The following ERCC1 variants were observed in gnomAD, a reference collection of about 807,000 sequenced individuals.
ERCC1 encodes the protein ERCC excision repair 1, endonuclease non-catalytic subunit.
ERCC1 carries 36 observed loss-of-function variants against 37.6 expected under a neutral mutation model. That is an observed-to-expected ratio of 0.96 (90% CI 0.73 to 1.26). The LOEUF is 1.26. Ranked by LOEUF, ERCC1 falls within the 50% of genes most tolerant of loss-of-function variation. The pLI, the probability that ERCC1 is intolerant of heterozygous loss-of-function variation, is 0.00. For missense variants in ERCC1, 349 were observed against 376.5 expected, an observed-to-expected ratio of 0.93 and a Z score of 0.60; for synonymous variants, 156 against 162.1, an observed-to-expected ratio of 0.96 and a Z score of 0.28.
At chr19:45,425,558 C>A (rs1473179678), upstream of ERCC1, among the ~76,000 whole-genome samples, 1 of 151,810 alleles carries the variant, frequency 6.6e-6, no homozygotes, top group Non-Finnish European at 1.5e-5. Context: ...TTAGTAGAGA[C>A]GGAGTTTCAC....
At chr19:45,410,926 C>T (rs374643850) in intron 9 of ERCC1, among the ~76,000 whole-genome samples, 6 of 152,134 alleles carry the variant, frequency 3.9e-5, no homozygotes, top group South Asian at 2.1e-4. Flanking sequence ...CGGATTCAAG[C>T]GATTCTCCTG....
intron 6 of ERCC1, among the ~76,000 whole-genome samples, chr19:45,415,250 G>A (rs1973984190): frequency 1.3e-5 from 2 of 149,928 alleles, no homozygotes; most frequent in African/African-American, 2.5e-5. Flanking sequence ...CAGGAGAATC[G>A]CCTGAACCCG....
At position 45,409,898 on chromosome 19, in the gene ERCC1, T is replaced by A. The variant is rs7507745; in HGVS notation, c.844-173A>T. On this transcript the variant is annotated intron_variant, in intron 9 of 9. Transcript: ENST00000300853. ...TTAAGTTATTATTATTATTATTATTTTTTTTTTTTTTGAGATGGAGTCTCG... is the reference window on the plus strand; with the variant it reads ...TTAAGTTATTATTATTATTATTATTATTTTTTTTTTTGAGATGGAGTCTCG... 4,819 of 188,840 alleles carry A rather than the reference T, an allele frequency of 0.026. 201 individuals carry two copies. Among genetic ancestry groups the A allele is most frequent in the African/African-American group, 0.18 (3,897 of 22,258 alleles). The allele number at this position is 188,840 out of a possible 1,614,324, so 11.7% of individuals were successfully genotyped here. A position where few individuals can be genotyped will look rare whatever the true frequency, so the allele number is the denominator to read the frequency against.
intron 1 of ERCC1, among the ~76,000 whole-genome samples, chr19:45,446,125 C>T (rs1966933839): frequency 6.6e-6 from 1 of 152,072 alleles, no homozygotes; most frequent in Admixed American, 6.6e-5. Context: ...GTCTCGAACT[C>T]CTGACCTCAG....
rs1056830405 is a variant in ERCC1, at chr19:45,409,511, G to T, written c.*164C>A. ...GCAGCAGCCTGTGTAGTCTGCCCCCGGGAAACTGAGGAACTAAAGAAAGCT... is the reference window on the plus strand; with the variant it reads ...GCAGCAGCCTGTGTAGTCTGCCCCCTGGAAACTGAGGAACTAAAGAAAGCT... On this transcript the variant is annotated 3_prime_UTR_variant, in exon 10 of 10. Coordinates refer to ENST00000300853, the MANE Select transcript of ERCC1 (RefSeq NM_001983.4). The T allele has an allele frequency of 6.3e-6, 10 of 1,595,014 alleles. No individual in the cohort carries two copies. The Admixed American group carries it at 1.1e-4, about 17-fold the overall frequency.
chr19:45,409,851 A>G (rs1223349624), intron 9 of ERCC1, 126 bp from the exon 10 acceptor site: 2 of 639,686 alleles, frequency 3.1e-6, no homozygotes, highest in Non-Finnish European at 5.7e-6. Context: ...ATTGAGTTAC[A>G]AACAATCCAG....
chr19:45,433,142 C>A (rs1294518493), intron 1 of ERCC1, among the ~76,000 whole-genome samples: 1 of 152,100 alleles, frequency 6.6e-6, no homozygotes, highest in Admixed American at 6.6e-5. Context: ...GTAATCCCAG[C>A]ACTTTGGGAG....
chr19:45,430,838 T>C lies in ERCC1; in HGVS notation c.-7-7457A>G, dbSNP rs114872251. On this transcript the variant is annotated intron_variant, in intron 1 of 8. Coordinates refer to the ERCC1 transcript ENST00000423698. The stretch of plus-strand genomic sequence containing the variant: ...AGGCCGAGGTGGGAGAATTGGGAGA[T>C]GAAGTTTGCAGTGAGCTGAGATTGG... Among the ~76,000 whole-genome samples, 1,176 of 151,784 alleles carry C rather than the reference T, an allele frequency of 7.7e-3. 14 individuals are homozygous for C. Among genetic ancestry groups the C allele is most frequent in the African/African-American group, 0.023 (950 of 41,386 alleles).
intron 1 of ERCC1, among the ~76,000 whole-genome samples, chr19:45,443,063 G>A (rs1223409541): frequency 2.0e-5 from 3 of 152,176 alleles, no homozygotes; most frequent in Non-Finnish European, 4.4e-5. Flanking sequence ...GGGGGAGGAA[G>A]GGGAGATGCA....
chr19:45,425,696 G>T (rs1269653852), upstream of ERCC1, among the ~76,000 whole-genome samples: 1 of 152,106 alleles, frequency 6.6e-6, no homozygotes, highest in Non-Finnish European at 1.5e-5. Flanking sequence ...AGTGCACCGA[G>T]GTCGTTGTTT....
At chr19:45,445,884 A>ATTT (rs1966925181) in intron 1 of ERCC1, among the ~76,000 whole-genome samples, 8 of 151,780 alleles carry the variant, frequency 5.3e-5, no homozygotes, top group Admixed American at 3.3e-4. Flanking sequence ...TTTGTTAATT[A>ATTT]ATTTATTTAT....
chr19:45,433,383 A>G (rs1974885191), intron 1 of ERCC1, among the ~76,000 whole-genome samples: 1 of 151,282 alleles, frequency 6.6e-6, no homozygotes, highest in Admixed American at 6.6e-5. Flanking sequence ...AAAATTAGCC[A>G]GGCGTGGTGG....
rs1423976551 is a variant in ERCC1, at chr19:45,416,891, G to A, written c.532C>T (p.Pro178Ser). Residue 178 changes from proline to serine, a missense_variant, in exon 6 of 10, where the codon CCC (proline) becomes TCC (serine). By Grantham distance (74) the Pro-to-Ser change is moderately conservative. Transcript: ENST00000300853. ...GCCAGCTCCTTGAGGGCCTGCTGGGGATCTTTCTGGAGGAGAAAATCAGAA... is the reference window on the plus strand; with the variant it reads ...GCCAGCTCCTTGAGGGCCTGCTGGGAATCTTTCTGGAGGAGAAAATCAGAA... ...VLLVQVDVKD[P>S]QQALKELAKM... is the part of the protein sequence containing the mutation. 1.2e-6 allele frequency: 2 copies of A among 1,611,964 alleles called. No homozygotes were observed. Among genetic ancestry groups the A allele is most frequent in the Admixed American group, 1.7e-5 (1 of 59,968 alleles).
intron 1 of ERCC1, among the ~76,000 whole-genome samples, chr19:45,432,282 A>ATTT (rs1250133347): frequency 7.1e-5 from 8 of 112,902 alleles, no homozygotes; most frequent in African/African-American, 3.5e-4. Flanking sequence ...CACAAAATTA[A>ATTT]TTTATTATTA....
intron 8 of ERCC1, 65 bp from the exon 9 acceptor site, chr19:45,413,810 AG>A: frequency 6.2e-7 from 1 of 1,606,412 alleles, no homozygotes; most frequent in Non-Finnish European, 8.5e-7. Flanking sequence ...CCAGCTGAGG[AG>A]GGGCCTCAGA....
chr19:45,409,602 C>T lies in ERCC1; in HGVS notation c.*73G>A, dbSNP rs1041342185. Reference sequence around the variant, plus strand: ...AATCCCTCCCCAGAGACTGCACCAGCGCAGCCAGCAGGAGCCTGGCCTGGG... The same window carrying T: ...AATCCCTCCCCAGAGACTGCACCAGTGCAGCCAGCAGGAGCCTGGCCTGGG... On this transcript the variant is annotated 3_prime_UTR_variant, in exon 10 of 10. Transcript: ENST00000300853. The T allele has an allele frequency of 8.9e-6, 14 of 1,577,692 alleles. No homozygotes were observed. In the African/African-American group the frequency reaches 9.4e-5, roughly 11 times the overall value.
chr19:45,443,995 C>G (rs1195539763), intron 1 of ERCC1, among the ~76,000 whole-genome samples: 1 of 149,926 alleles, frequency 6.7e-6, no homozygotes, highest in Non-Finnish European at 1.5e-5. Flanking sequence ...TGTCCCCGGT[C>G]CTTCCTTCAC....
Position 45,421,308 on chromosome 19 carries a change from G to C in ERCC1, c.191C>G (p.Ala64Gly), listed in dbSNP as rs142631483. 3 of 1,614,020 alleles carry C rather than the reference G, an allele frequency of 1.9e-6. No individual in the cohort carries two copies. The highest frequency in any genetic ancestry group is 2.5e-6 in the Non-Finnish European group (3 of 1,180,034). Residue 64 changes from alanine (A) to glycine (G), a missense_variant, in exon 3 of 10, where the codon GCC becomes GGC. Coordinates refer to ENST00000300853, the MANE Select transcript of ERCC1 (RefSeq NM_001983.4). ...QAAPQTYAEY[A>G]ISQPLEGAGA... is the part of the protein sequence containing the mutation. ...AGCCCCTTCCAGAGGCTGTGAGATG[G>C]CATATTCGGCGTAGGTCTGAGGGGC...
At chr19:45,442,528 A>T (rs531945905) in intron 1 of ERCC1, among the ~76,000 whole-genome samples, 1 of 152,142 alleles carries the variant, frequency 6.6e-6, no homozygotes, top group Non-Finnish European at 1.5e-5. Context: ...TTCAGCACTC[A>T]GTGAGTAGGC....
Sources: allele counts gnomAD v4.1 joint callset (sites outside exome capture counted in the v4.1 genomes callset), GRCh38; gene constraint gnomAD v4.1.1; transcripts MANE v1.5; gene names NCBI Gene and HGNC (gene_info 2026-07-23, HGNC 2026-07-21).